Variants in RAD51B observed in about 807,000 individuals in gnomAD.
The protein encoded by RAD51B is DNA repair protein RAD51 homolog 2.
In RAD51B, 38 loss-of-function variants were observed where a neutral mutation model predicts 42.2. The ratio of observed to expected loss-of-function variants is 0.90; its 90% CI spans 0.70 to 1.18. RAD51B has a LOEUF of 1.18. Among genes scored for constraint, RAD51B ranks in the 50% most tolerant of loss-of-function variants. RAD51B has a pLI of 0.00. For missense variants in RAD51B, 373 were observed against 400.7 expected, an observed-to-expected ratio of 0.93 and a Z score of 0.59; for synonymous variants, 154 against 145.2, an observed-to-expected ratio of 1.06 and a Z score of -0.43.
intron 7 of RAD51B, among the ~76,000 whole-genome samples, chr14:67,970,155 A>G (rs927966044): frequency 1.3e-5 from 2 of 152,160 alleles, no homozygotes; most frequent in Non-Finnish European, 2.9e-5. Context: ...TAACTTACCC[A>G]GGGATGTTTT....
chr14:68,055,498 A>G (rs1040790074), intron 7 of RAD51B, among the ~76,000 whole-genome samples: 2 of 152,238 alleles, frequency 1.3e-5, no homozygotes, highest in African/African-American at 4.8e-5. Flanking sequence ...TAGCAGCAGC[A>G]AAAGATCAAT....
chr14:68,326,940 C>T (rs1215225070), intron 8 of RAD51B, among the ~76,000 whole-genome samples: 1 of 152,158 alleles, frequency 6.6e-6, no homozygotes, highest in African/African-American at 2.4e-5. Flanking sequence ...TCAAGAGGCA[C>T]AGCCAGTCCA....
At chr14:68,349,596 C>G (rs1204508837) in intron 8 of RAD51B, among the ~76,000 whole-genome samples, 1 of 152,110 alleles carries the variant, frequency 6.6e-6, no homozygotes, top group Non-Finnish European at 1.5e-5. Flanking sequence ...GAACTCCAGA[C>G]CTCAGGTGAT....
At chr14:68,179,303 T>G (rs1222068106) in intron 7 of RAD51B, among the ~76,000 whole-genome samples, 1 of 152,162 alleles carries the variant, frequency 6.6e-6, no homozygotes. Context: ...TTTTTCTTTC[T>G]TGGCAAGAAT....
At chr14:68,571,397 G>A (rs577389879) in intron 10 of RAD51B, among the ~76,000 whole-genome samples, 1 of 152,334 alleles carries the variant, frequency 6.6e-6, no homozygotes, top group Non-Finnish European at 1.5e-5. Context: ...CCCTTCTGGA[G>A]GCTGCAGAAA....
intron 10 of RAD51B, among the ~76,000 whole-genome samples, chr14:68,520,484 G>A (rs1301446112): frequency 1.3e-5 from 2 of 152,196 alleles, no homozygotes; most frequent in Admixed American, 6.5e-5. Context: ...TCATGATCAT[G>A]TGATCATTTC....
At chr14:67,897,547 C>T (rs1169192620) in intron 7 of RAD51B, among the ~76,000 whole-genome samples, 1 of 151,908 alleles carries the variant, frequency 6.6e-6, no homozygotes, top group Non-Finnish European at 1.5e-5. Context: ...GAAATCAAAA[C>T]CACAATAAGA....
At chr14:68,465,950 AAAAAT>A (rs1285522690) in intron 9 of RAD51B, among the ~76,000 whole-genome samples, 261 of 81,388 alleles carry the variant, frequency 3.2e-3, no homozygotes, top group African/African-American at 0.01. Context: ...CAAAAAAAAA[AAAAAT>A]AAATAAATAA....
At chr14:67,827,061 T>A (rs183297986) in intron 3 of RAD51B, among the ~76,000 whole-genome samples, 4 of 152,320 alleles carry the variant, frequency 2.6e-5, no homozygotes, top group African/African-American at 9.6e-5. Context: ...AGAAGGAGAA[T>A]CAGAACTGGA....
chr14:68,076,357 G>A (rs1224533305), intron 7 of RAD51B, among the ~76,000 whole-genome samples: 1 of 152,150 alleles, frequency 6.6e-6, no homozygotes. Flanking sequence ...ACCTTATCAA[G>A]TTAATTTTTC....
chr14:68,096,494 T>C (rs899649379), intron 7 of RAD51B, among the ~76,000 whole-genome samples: 1 of 152,176 alleles, frequency 6.6e-6, no homozygotes, highest in East Asian at 1.9e-4. Flanking sequence ...TTCCTCCTAC[T>C]CCTTTTCGAT....
At chr14:68,303,195 A>G (rs1429097223) in intron 8 of RAD51B, among the ~76,000 whole-genome samples, 4 of 152,216 alleles carry the variant, frequency 2.6e-5, no homozygotes, top group Non-Finnish European at 5.9e-5. Context: ...GCTGGAAACC[A>G]TCATTCTCAG....
intron 8 of RAD51B, among the ~76,000 whole-genome samples, chr14:68,373,023 C>T (rs1283378396): frequency 6.6e-6 from 1 of 152,200 alleles, no homozygotes; most frequent in African/African-American, 2.4e-5. Context: ...CCAAGCAACA[C>T]AGTAAGGGAC....
At chr14:67,885,480 C>T (rs983261463) in intron 5 of RAD51B, among the ~76,000 whole-genome samples, 4 of 152,130 alleles carry the variant, frequency 2.6e-5, no homozygotes, top group African/African-American at 4.8e-5. Flanking sequence ...TATTATAATA[C>T]AATATACCAT....
At chr14:67,958,637 A>G (rs1490472541) in intron 7 of RAD51B, among the ~76,000 whole-genome samples, 4 of 152,196 alleles carry the variant, frequency 2.6e-5, no homozygotes, top group African/African-American at 7.2e-5. Flanking sequence ...ATTTGGGACA[A>G]CCTTTTGAAT....
chr14:67,887,086 C>G lies in RAD51B; in HGVS notation c.638C>G (p.Ala213Gly). The G allele has an allele frequency of 6.3e-7, 1 of 1,584,520 alleles. No individual in the cohort carries two copies. The highest frequency in any genetic ancestry group is 8.7e-7 in the Non-Finnish European group (1 of 1,155,946). ...AAACTTGTGATTCTTGACTCTGTTG[C>G]TTCTGTGGTCAGAAAGGAGTTTGAT... ...GIKLVILDSV[A>G]SVVRKEFDAQ... The change falls in exon 7 of 11, where the codon GCT becomes GGT. Residue 213 changes from alanine (A) to glycine (G), a missense_variant. Coordinates refer to ENST00000471583, the MANE Select transcript of RAD51B (RefSeq NM_133510.4).
At chr14:68,508,505 C>T (rs1383590753) in intron 10 of RAD51B, among the ~76,000 whole-genome samples, 3 of 152,194 alleles carry the variant, frequency 2.0e-5, no homozygotes, top group Admixed American at 6.5e-5. Context: ...CGCAAGCCAG[C>T]GTGGCACCCT....
At chr14:68,065,620 T>G (rs990196104) in intron 7 of RAD51B, among the ~76,000 whole-genome samples, 4 of 151,868 alleles carry the variant, frequency 2.6e-5, no homozygotes, top group Non-Finnish European at 4.4e-5. Context: ...AGCTGGCTGG[T>G]GGTTCTGCTT....
At chr14:68,292,027 G>A in intron 8 of RAD51B, 47 bp downstream of exon 8, 1 of 1,484,436 alleles carries the variant, frequency 6.7e-7, no homozygotes. Flanking sequence ...CTGACATAGA[G>A]CCCCACTGCC....
Sources: allele counts gnomAD v4.1 joint callset (sites outside exome capture counted in the v4.1 genomes callset), GRCh38; gene constraint gnomAD v4.1.1; transcripts MANE v1.5; gene names NCBI Gene and HGNC (gene_info 2026-07-23, HGNC 2026-07-21).